PBX3: variants seen among roughly 807,000 people sequenced by gnomAD.
PBX3 encodes PBX homeobox 3, also known as pre-B-cell leukemia transcription factor 3.
In PBX3, 14 loss-of-function variants were observed where a neutral mutation model predicts 48.5. The observed-to-expected ratio is 0.29, with a 90% CI of 0.19 to 0.45. PBX3 has a LOEUF of 0.45. Ranked by LOEUF, PBX3 falls within the 20% of genes least tolerant of loss-of-function variation. The pLI is 1.00. For synonymous variants in PBX3, 210 were observed against 200.3 expected (o/e 1.05, Z -0.41); for missense variants, 386 against 546.7 (o/e 0.71, Z 2.93).
At chr9:125,780,673 G>T (rs1223211295) in intron 2 of PBX3, among the ~76,000 whole-genome samples, 1 of 141,774 alleles carries the variant, frequency 7.1e-6, no homozygotes, top group Non-Finnish European at 1.5e-5. Flanking sequence ...CGGATGGGGC[G>T]GCTGGCCGGG....
chr9:125,768,518 T>C (rs1836859055), intron 2 of PBX3, among the ~76,000 whole-genome samples: 1 of 152,240 alleles, frequency 6.6e-6, no homozygotes, highest in African/African-American at 2.4e-5. Flanking sequence ...ATTACAATTA[T>C]CAGCTTGTTA....
intron 2 of PBX3, among the ~76,000 whole-genome samples, chr9:125,902,777 C>T (rs778930869): frequency 6.6e-5 from 10 of 151,616 alleles, no homozygotes; most frequent in Non-Finnish European, 1.0e-4. Context: ...GTGTTAACGA[C>T]GTGTTAATTA....
intron 2 of PBX3, among the ~76,000 whole-genome samples, chr9:125,871,380 C>A (rs74503054): frequency 2.3e-3 from 288 of 127,366 alleles, no homozygotes; most frequent in South Asian, 2.5e-3. Flanking sequence ...GACTCCGTCT[C>A]AAAAAAAAAA....
chr9:125,955,716 C>T (rs1463723527), intron 5 of PBX3, among the ~76,000 whole-genome samples: 1 of 152,236 alleles, frequency 6.6e-6, no homozygotes, highest in Admixed American at 6.5e-5. Context: ...ATTTCTCAGA[C>T]CTGCTGGGAT....
At chr9:125,818,629 A>G (rs560745862) in intron 2 of PBX3, among the ~76,000 whole-genome samples, 1 of 152,116 alleles carries the variant, frequency 6.6e-6, no homozygotes, top group African/African-American at 2.4e-5. Context: ...GATTACAGGC[A>G]TGAGCCACCA....
At position 125,792,535 on chromosome 9, in the gene PBX3, T is replaced by C. The variant is rs550384013; in HGVS notation, c.274+43912T>C. Among the ~76,000 whole-genome samples, 4 of 152,174 alleles carry C rather than the reference T, an allele frequency of 2.6e-5. No individual in the cohort carries two copies. In the East Asian group the frequency reaches 7.7e-4, roughly 29 times the overall value. On this transcript the variant is annotated intron_variant, in intron 2 of 8. Transcript: ENST00000373489. ...GCTAGTTTGGCCCATAGTGGTATCC[T>C]TTAGGTCAAGACTTCCAGAGCCAGC...
intron 2 of PBX3, among the ~76,000 whole-genome samples, chr9:125,914,253 C>T (rs1382462460): frequency 6.6e-6 from 1 of 152,056 alleles, no homozygotes; most frequent in African/African-American, 2.4e-5. Flanking sequence ...ACCTTATTTG[C>T]CTCTGAATAG....
chr9:125,811,539 T>A (rs922227022), intron 2 of PBX3, among the ~76,000 whole-genome samples: 6 of 152,176 alleles, frequency 3.9e-5, no homozygotes, highest in African/African-American at 1.4e-4. Flanking sequence ...TGCTTCCCTG[T>A]GAAGAGGTTC....
intron 2 of PBX3, among the ~76,000 whole-genome samples, chr9:125,807,178 G>A (rs960004977): frequency 1.3e-5 from 2 of 152,102 alleles, no homozygotes; most frequent in Non-Finnish European, 2.9e-5. Context: ...ACATAAATTA[G>A]TTGGGTGTGG....
intron 2 of PBX3, among the ~76,000 whole-genome samples, chr9:125,907,218 T>G (rs2132441190): frequency 6.6e-6 from 1 of 152,114 alleles, no homozygotes; most frequent in East Asian, 1.9e-4. Context: ...TATATACCAT[T>G]AAAATATGTT....
chr9:125,928,653 G>A (rs898187150), intron 3 of PBX3, among the ~76,000 whole-genome samples: 3 of 152,086 alleles, frequency 2.0e-5, no homozygotes, highest in African/African-American at 7.2e-5. Context: ...TTTTAGTAGA[G>A]ATGGGGTTTC....
At chr9:125,810,347 CCTT>C (rs1174606948) in intron 2 of PBX3, among the ~76,000 whole-genome samples, 1 of 150,318 alleles carries the variant, frequency 6.7e-6, no homozygotes, top group Non-Finnish European at 1.5e-5. Context: ...GTAATATTAA[CCTT>C]CTGGAGCAGG....
intron 2 of PBX3, among the ~76,000 whole-genome samples, chr9:125,906,174 A>G (rs1379297537): frequency 6.6e-6 from 1 of 152,054 alleles, no homozygotes; most frequent in African/African-American, 2.4e-5. Context: ...AGTAAAGTTC[A>G]TGTTTCCTAT....
At chr9:125,858,187 G>A (rs1363502651) in intron 2 of PBX3, among the ~76,000 whole-genome samples, 1 of 152,136 alleles carries the variant, frequency 6.6e-6, no homozygotes, top group East Asian at 1.9e-4. Flanking sequence ...AATATAGGGA[G>A]ACCCCATCAC....
chr9:125,904,414 G>T (rs1250296986), intron 2 of PBX3, among the ~76,000 whole-genome samples: 1 of 151,838 alleles, frequency 6.6e-6, no homozygotes, highest in East Asian at 1.9e-4. Flanking sequence ...CAGCCCCAGT[G>T]TCCTCTTGTA....
intron 2 of PBX3, among the ~76,000 whole-genome samples, chr9:125,815,627 T>A (rs1248923822): frequency 6.6e-6 from 1 of 152,146 alleles, no homozygotes; most frequent in Non-Finnish European, 1.5e-5. Flanking sequence ...TGATATTACC[T>A]CTTAATTATT....
intron 2 of PBX3, among the ~76,000 whole-genome samples, chr9:125,894,033 A>G (rs527404010): frequency 1.3e-5 from 2 of 152,282 alleles, no homozygotes; most frequent in African/African-American, 4.8e-5. Flanking sequence ...TTTCTATTAT[A>G]TATCACCATG....
intron 2 of PBX3, among the ~76,000 whole-genome samples, chr9:125,810,538 T>C (rs1163799679): frequency 1.3e-5 from 2 of 152,182 alleles, no homozygotes; most frequent in Non-Finnish European, 2.9e-5. Context: ...CTTCTTGTGT[T>C]GAGTGGAACT....
intron 2 of PBX3, among the ~76,000 whole-genome samples, chr9:125,871,005 A>G (rs1171462132): frequency 6.6e-6 from 1 of 152,206 alleles, no homozygotes; most frequent in East Asian, 1.9e-4. Context: ...CTACCAATCT[A>G]GCAATTCCAC....
Sources: allele counts gnomAD v4.1 joint callset (sites outside exome capture counted in the v4.1 genomes callset), GRCh38; gene constraint gnomAD v4.1.1; transcripts MANE v1.5; gene names NCBI Gene and HGNC (gene_info 2026-07-23, HGNC 2026-07-21).